CSMD2: variants seen among roughly 807,000 people sequenced by gnomAD.
CSMD2 encodes CUB and Sushi multiple domains 2, also known as CUB and sushi domain-containing protein 2.
Under a neutral mutation model 398.5 loss-of-function variants are expected in CSMD2, and 130 were observed. The ratio of observed to expected loss-of-function variants is 0.33; its 90% CI spans 0.28 to 0.38. The LOEUF (loss-of-function observed/expected upper bound fraction) is 0.38. Ranked by LOEUF, CSMD2 falls within the 10% of genes least tolerant of loss-of-function variation. CSMD2 has a pLI of 1.00. For missense variants in CSMD2, 3,829 were observed against 4,764.9 expected (o/e 0.80, Z 5.78); for synonymous variants, 1,828 against 1,908.5 (o/e 0.96, Z 1.10).
intron 41 of CSMD2, among the ~76,000 whole-genome samples, chr1:33,606,484 T>C (rs1319315524): frequency 6.6e-6 from 1 of 152,206 alleles, no homozygotes; most frequent in Non-Finnish European, 1.5e-5. Context: ...CAGGTTTCCC[T>C]GGGAAATCAT....
At chr1:34,005,770 C>A (rs1570783236) in intron 3 of CSMD2, among the ~76,000 whole-genome samples, 1 of 152,208 alleles carries the variant, frequency 6.6e-6, no homozygotes, top group African/African-American at 2.4e-5. Context: ...CCATGGATGG[C>A]TCCTACTCCT....
At chr1:33,547,867 T>C (rs759503592) in intron 56 of CSMD2, among the ~76,000 whole-genome samples, 6 of 152,168 alleles carry the variant, frequency 3.9e-5, no homozygotes, top group Non-Finnish European at 5.9e-5. Flanking sequence ...AGGCACAAGA[T>C]GGTTAACGTG....
intron 11 of CSMD2, among the ~76,000 whole-genome samples, chr1:33,791,487 CT>C (rs1221701930): frequency 6.6e-6 from 1 of 151,434 alleles, no homozygotes. Flanking sequence ...CATTTCCTGA[CT>C]TTTTTTTTCT....
intron 3 of CSMD2, among the ~76,000 whole-genome samples, chr1:33,940,981 T>C (rs1189471136): frequency 6.6e-6 from 1 of 152,180 alleles, no homozygotes; most frequent in Non-Finnish European, 1.5e-5. Flanking sequence ...AGGCACCGTG[T>C]TCTTTGATTT....
chr1:34,017,495 G>A (rs1648289086), intron 3 of CSMD2, among the ~76,000 whole-genome samples: 1 of 152,192 alleles, frequency 6.6e-6, no homozygotes, highest in Non-Finnish European at 1.5e-5. Context: ...AGTGGCTCAT[G>A]CCTGTAATCC....
At chr1:33,856,156 C>A (rs1371549822) in intron 5 of CSMD2, among the ~76,000 whole-genome samples, 1 of 152,206 alleles carries the variant, frequency 6.6e-6, no homozygotes, top group African/African-American at 2.4e-5. Flanking sequence ...ACTATTTTCC[C>A]CCTGCCTTGC....
chr1:33,864,797 T>C, intron 5 of CSMD2: 1 of 1,506,876 alleles, frequency 6.6e-7, no homozygotes, highest in Non-Finnish European at 9.0e-7. Flanking sequence ...CCGTATTTCC[T>C]GTTCCTGGTC....
chr1:33,933,002 G>C (rs1644360823), intron 4 of CSMD2, among the ~76,000 whole-genome samples: 1 of 152,186 alleles, frequency 6.6e-6, no homozygotes, highest in Non-Finnish European at 1.5e-5. Flanking sequence ...CAAGACAGAA[G>C]CCAGGGAGAA....
At chr1:33,837,370 A>G (rs2358516) in intron 6 of CSMD2, among the ~76,000 whole-genome samples, 119,507 of 152,122 alleles carry the variant, frequency 0.79, 47,798 homozygotes, top group East Asian at 0.94. Flanking sequence ...GGATATATTC[A>G]TTCATGTTGT....
intron 5 of CSMD2, among the ~76,000 whole-genome samples, chr1:33,904,898 G>A (rs1043158677): frequency 6.6e-6 from 1 of 151,956 alleles, no homozygotes; most frequent in African/African-American, 2.4e-5. Context: ...TGCCCGCCTC[G>A]GCCTCCCAAA....
chr1:33,887,625 C>G (rs960980038), intron 5 of CSMD2, among the ~76,000 whole-genome samples: 4 of 152,044 alleles, frequency 2.6e-5, no homozygotes, highest in Admixed American at 1.3e-4. Context: ...AGAAAAAACT[C>G]TAGAACTAAT....
At chr1:33,987,291 C>T (rs1224582450) in intron 3 of CSMD2, among the ~76,000 whole-genome samples, 1 of 152,098 alleles carries the variant, frequency 6.6e-6, no homozygotes, top group African/African-American at 2.4e-5. Context: ...CTAACATTTA[C>T]CAATCACATG....
At chr1:33,689,105 G>A (rs1250105526) in intron 25 of CSMD2, among the ~76,000 whole-genome samples, 4 of 150,890 alleles carry the variant, frequency 2.7e-5, no homozygotes, top group Admixed American at 6.6e-5. Flanking sequence ...AGGGAGAGAG[G>A]GAGTGGGAAA....
chr1:33,852,813 G>A (rs1441545575), intron 5 of CSMD2, among the ~76,000 whole-genome samples: 1 of 152,228 alleles, frequency 6.6e-6, no homozygotes, highest in Non-Finnish European at 1.5e-5. Context: ...CTTGCTGCCT[G>A]TCTTTGTAAA....
chr1:34,145,819 C>T (rs771744558), intron 1 of CSMD2, among the ~76,000 whole-genome samples: 36 of 152,156 alleles, frequency 2.4e-4, no homozygotes, highest in Non-Finnish European at 4.0e-4. Flanking sequence ...AGGGACCAGA[C>T]GCCTGTTCTA....
chr1:34,047,055 C>T (rs1205190259), intron 2 of CSMD2, among the ~76,000 whole-genome samples: 2 of 152,138 alleles, frequency 1.3e-5, no homozygotes, highest in Admixed American at 6.5e-5. Flanking sequence ...TGTCACTTCT[C>T]TGCTTGAAAC....
intron 40 of CSMD2, 148 bp downstream of exon 40, chr1:33,614,356 A>G: frequency 1.6e-6 from 1 of 640,734 alleles, no homozygotes; most frequent in East Asian, 2.8e-5. Context: ...TCACAATTGT[A>G]CAAGAGGTCA....
At chr1:34,122,070 A>G (rs1338818135) in intron 1 of CSMD2, among the ~76,000 whole-genome samples, 4 of 148,520 alleles carry the variant, frequency 2.7e-5, no homozygotes, top group African/African-American at 5.0e-5. Flanking sequence ...ATCCTCTTCC[A>G]GTCTAGCAGA....
chr1:33,843,870 C>G (rs1042972163), intron 6 of CSMD2, among the ~76,000 whole-genome samples: 1 of 152,202 alleles, frequency 6.6e-6, no homozygotes, highest in Non-Finnish European at 1.5e-5. Flanking sequence ...GAATAGCTTT[C>G]CAGGTCTGCC....
Sources: allele counts gnomAD v4.1 joint callset (sites outside exome capture counted in the v4.1 genomes callset), GRCh38; gene constraint gnomAD v4.1.1; transcripts MANE v1.5; gene names NCBI Gene and HGNC (gene_info 2026-07-23, HGNC 2026-07-21).